The following CARD14 variants were observed in gnomAD, a reference collection of about 807,000 sequenced individuals.
CARD14 encodes caspase recruitment domain-containing protein 14.
A neutral mutation model predicts 111.5 loss-of-function variants in CARD14; 107 were observed. The observed-to-expected ratio is 0.96, with a 90% CI of 0.82 to 1.13. The LOEUF is 1.13. Among genes scored for constraint, CARD14 ranks in the 50% most tolerant of loss-of-function variants. The pLI is 0.00. For missense variants in CARD14, 1,322 were observed against 1,362.3 expected, an observed-to-expected ratio of 0.97 and a Z score of 0.47; for synonymous variants, 617 against 579.6, an observed-to-expected ratio of 1.06 and a Z score of -0.93.
rs144885499 is a variant in CARD14, at chr17:80,198,801, T to G, written c.1851+210T>G. 3.6e-4 allele frequency: 536 copies of G among 1,486,876 alleles called. 1 individual carries two copies. The African/African-American group carries it at 5.3e-3, about 15-fold the overall frequency. 92.1% of individuals were successfully genotyped at this position (1,486,876 alleles called of 1,614,324 possible). ...GAACCCAGCATGTCACCCGTGGTGC[T>G]GCTGCCATGCGGCGCTTCTGACCAG... On this transcript the variant is annotated intron_variant, in intron 16 of 23. Coordinates refer to ENST00000648509, the MANE Select transcript of CARD14 (RefSeq NM_001366385.1). This position sits in a 1 kb window ranked among gnomAD's most constrained non-coding sequence, Gnocchi z 7.5.
Position 80,201,186 on chromosome 17 carries a change from T to G in CARD14, c.1852-558T>G, listed in dbSNP as rs930972908. 1 of 154,532 alleles carries G rather than the reference T, an allele frequency of 6.5e-6. No individual in the cohort carries two copies. The highest frequency in any genetic ancestry group is 2.4e-5 in the African/African-American group (1 of 41,460). 9.6% of individuals were successfully genotyped at this position (154,532 alleles called of 1,614,324 possible). A position where few individuals can be genotyped will look rare whatever the true frequency, so the allele number is the denominator to read the frequency against. On this transcript the variant is annotated intron_variant, in intron 16 of 23. Coordinates refer to ENST00000648509, the MANE Select transcript of CARD14 (RefSeq NM_001366385.1). The surrounding 1 kb of genome is among the most constrained non-coding windows in gnomAD (Gnocchi z 5.0). Reference sequence around the variant, plus strand: ...ATGGTGTTAAAACACATCTTAATTTTTATTGTAAAAATATCTACTCTCCTA... The same window carrying G: ...ATGGTGTTAAAACACATCTTAATTTGTATTGTAAAAATATCTACTCTCCTA...
chr17:80,202,118 C>A, intron 17 of CARD14, 62 bp from the exon 18 acceptor site: 1 of 1,463,612 alleles, frequency 6.8e-7, no homozygotes, highest in Non-Finnish European at 9.5e-7. Context: ...TAATTTTCTG[C>A]AACCTTCCTC....
intron 10 of CARD14, 24 bp from the exon 11 acceptor site, chr17:80,191,299 C>G (rs2043368339): frequency 6.2e-6 from 10 of 1,600,768 alleles, no homozygotes; most frequent in Non-Finnish European, 8.6e-6. Flanking sequence ...GGCGCGGCCT[C>G]CTTACTCCCG....
chr17:80,202,292 G>A lies in CARD14; in HGVS notation c.2091G>A (p.Val697=), dbSNP rs2041024729. Residue 697 remains valine (V), a synonymous_variant, in exon 18 of 24, where the codon GTG becomes GTA. Coordinates refer to ENST00000648509, the MANE Select transcript of CARD14 (RefSeq NM_001366385.1). ...GCAGGGCCAAAGGGGAGCTGCAGGTGCATTGCAACGAGGTCCTGCACGTCA... is the reference window on the plus strand; with the variant it reads ...GCAGGGCCAAAGGGGAGCTGCAGGTACATTGCAACGAGGTCCTGCACGTCA... The part of the protein sequence containing the change: ...MEGRAKGELQ[V]HCNEVLHVTD... 1 of 1,613,862 alleles carries A rather than the reference G, an allele frequency of 6.2e-7. No homozygotes were observed. The highest frequency in any genetic ancestry group is 2.2e-5 in the East Asian group (1 of 44,874).
intron 23 of CARD14, 65 bp downstream of exon 23, chr17:80,207,150 G>A (rs564357194): frequency 1.9e-5 from 22 of 1,166,316 alleles, no homozygotes; most frequent in Middle Eastern, 3.8e-4. Context: ...CAAAGCCCAC[G>A]GCAGGTGCCT....
chr17:80,172,895 T>TTTTTTTTTTTTTTTTTTTTTTTG lies in CARD14; in HGVS notation c.-689-8_-689-7insTTTTTTTTTTTTTTTTTTTGTTT. On this transcript the variant is annotated splice_polypyrimidine_tract_variant and intron_variant, in intron 1 of 23. Transcript: ENST00000648509. ...TTCTTTTTTTTTTTTTTTTTTTTTT[T>TTTTTTTTTTTTTTTTTTTTTTTG]TTTGAGGTAGAGTTTCACTCTGGCT... 2 of 142,776 alleles carry TTTTTTTTTTTTTTTTTTTTTTTG rather than the reference T, an allele frequency of 1.4e-5. No individual in the cohort carries two copies. The highest frequency in any genetic ancestry group is 7.0e-5 in the Admixed American group (1 of 14,306). 8.8% of individuals were successfully genotyped at this position (142,776 alleles called of 1,614,324 possible).
In CARD14 at chr17:80,203,565, C is replaced by G. The variant is rs1179760177; in HGVS notation, c.2220-257C>G. On this transcript the variant is annotated intron_variant, in intron 18 of 23. Coordinates refer to ENST00000648509, the MANE Select transcript of CARD14 (RefSeq NM_001366385.1). The surrounding 1 kb of genome is among the most constrained non-coding windows in gnomAD (Gnocchi z 4.6). ...TACGCTGGCTGCTCAACAGCACCCC[C>G]TGGGTCCCGCCCCAGGACAAGTAAA... 2.2e-6 allele frequency: 1 copy of G among 451,454 alleles called. No homozygotes were observed. The highest frequency in any genetic ancestry group is 2.0e-5 in the African/African-American group (1 of 49,246). The allele number at this position is 451,454 out of a possible 1,614,324, so 28.0% of individuals were successfully genotyped here.
At chr17:80,199,847 G>T (rs1315736053) in intron 16 of CARD14, among the ~76,000 whole-genome samples, 3 of 152,080 alleles carry the variant, frequency 2.0e-5, no homozygotes, top group African/African-American at 4.8e-5. Flanking sequence ...CTGCACTCCA[G>T]CCTGGGTGAC....
At position 80,195,458 on chromosome 17, in the gene CARD14, G is replaced by A. The variant is rs1046703469; in HGVS notation, c.1500-100G>A. The A allele has an allele frequency of 4.0e-6, 6 of 1,503,906 alleles. No homozygotes were observed. Among genetic ancestry groups the A allele is most frequent in the Non-Finnish European group, 5.4e-6 (6 of 1,118,764 alleles). 93.2% of individuals were successfully genotyped at this position (1,503,906 alleles called of 1,614,324 possible). A position where few individuals can be genotyped will look rare whatever the true frequency, so the allele number is the denominator to read the frequency against. ...GCAGGCAGCAGCTCCTGCCCTCGAA[G>A]CCCCAGAGCTGGCAGGTGCTGGGGG... On this transcript the variant is annotated intron_variant, in intron 13 of 23. Transcript: ENST00000648509. The surrounding 1 kb of genome is among the most constrained non-coding windows in gnomAD (Gnocchi z 4.7).
rs768323293 is a variant in CARD14, at chr17:80,207,068, G to A, written c.2790G>A (p.Lys930=). 6.2e-7 allele frequency: 1 copy of A among 1,613,836 alleles called. No homozygotes were observed. Among genetic ancestry groups the A allele is most frequent in the Non-Finnish European group, 8.5e-7 (1 of 1,179,840 alleles). ...TCATCCACGTCTCTGTCAACGAGAAGATGGCAAAGAAGCTCAAGTAGGTGC... is the reference window on the plus strand; with the variant it reads ...TCATCCACGTCTCTGTCAACGAGAAAATGGCAAAGAAGCTCAAGTAGGTGC... The part of the protein sequence containing the change: ...PIVIHVSVNE[K]MAKKLKKGLQ... Residue 930 remains lysine (K), a synonymous_variant, in exon 23 of 24, where the codon AAG becomes AAA. Transcript: ENST00000648509.
chr17:80,189,901 A>G lies in CARD14; in HGVS notation c.963+29A>G, dbSNP rs117090386. 6,004 of 1,583,048 alleles carry G rather than the reference A, an allele frequency of 3.8e-3. 28 individuals are homozygous for G. Among genetic ancestry groups the G allele is most frequent in the Non-Finnish European group, 4.2e-3 (4,907 of 1,168,644 alleles). ...CCGTGTGAGCCCTTCCTCCCTTGTG[A>G]CTCTCCTGGGGCTTGTCTCAGGGGT... On this transcript the variant is annotated intron_variant, in intron 9 of 23. Transcript: ENST00000648509. This position sits in a 1 kb window ranked among gnomAD's most constrained non-coding sequence, Gnocchi z 4.7.
rs758843053 is a variant in CARD14, at chr17:80,181,466, G to A, written c.28G>A (p.Ala10Thr). 28 of 1,582,278 alleles carry A rather than the reference G, an allele frequency of 1.8e-5. No individual in the cohort carries two copies. The highest frequency in any genetic ancestry group is 2.3e-5 in the Non-Finnish European group (27 of 1,163,974). ...GGGGGAACTGTGCCGCAGGGACTCC[G>A]CACTCACGGCACTGGACGAGGAGAC... Reference protein sequence around the residue: MGELCRRDSALTALDEETLW... With the variant: MGELCRRDSTLTALDEETLW... The change falls in exon 5 of 24, where the codon GCA becomes ACA. Residue 10 changes from alanine (A) to threonine (T), a missense_variant. Ala to Thr is a moderately conservative substitution (Grantham distance 58). Transcript: ENST00000648509.
At chr17:80,206,459 T>C (rs1040866906) in intron 22 of CARD14, among the ~76,000 whole-genome samples, 11 of 151,150 alleles carry the variant, frequency 7.3e-5, no homozygotes, top group Non-Finnish European at 5.9e-5. Flanking sequence ...TACAAAACAT[T>C]TAAAAGCTAA....
rs564224977 is a variant in CARD14, at chr17:80,181,333, T to A, written c.-20-86T>A. 3 of 998,140 alleles carry A rather than the reference T, an allele frequency of 3.0e-6. No individual in the cohort carries two copies. In the South Asian group the frequency reaches 4.8e-5, roughly 16 times the overall value. The allele number at this position is 998,140 out of a possible 1,614,324, so 61.8% of individuals were successfully genotyped here. A position where few individuals can be genotyped will look rare whatever the true frequency, so the allele number is the denominator to read the frequency against. On this transcript the variant is annotated intron_variant, in intron 4 of 23. Coordinates refer to ENST00000648509, the MANE Select transcript of CARD14 (RefSeq NM_001366385.1). The stretch of plus-strand genomic sequence containing the variant: ...AGAGTGCGCCTTGCTAATTTTACGA[T>A]GGAGTTGATTTTAAAACGGTGTCAC...
chr17:80,178,371 G>T (rs976547243), intron 2 of CARD14, 137 bp from the exon 3 acceptor site: 1 of 152,232 alleles, frequency 6.6e-6, no homozygotes, highest in African/African-American at 2.4e-5. Flanking sequence ...TCAAAGGTCC[G>T]TCGAGTTATT....
In CARD14 at chr17:80,182,758, T is replaced by TGCA; in HGVS notation, c.320_322dup (p.Gln107dup). On this transcript the variant is annotated inframe_insertion, in exon 6 of 24. Coordinates refer to ENST00000648509, the MANE Select transcript of CARD14 (RefSeq NM_001366385.1). This position sits in a 1 kb window ranked among gnomAD's most constrained non-coding sequence, Gnocchi z 4.7. Reference sequence around the variant, plus strand: ...GACGTCTACACCCTGGTCACCGGGCTGCAGCCTGATGTTGACTTCAGTAAC... The same window carrying TGCA: ...GACGTCTACACCCTGGTCACCGGGCTGCAGCAGCCTGATGTTGACTTCAGTAAC... 6.2e-7 allele frequency: 1 copy of TGCA among 1,614,214 alleles called. No homozygotes were observed. Among genetic ancestry groups the TGCA allele is most frequent in the Non-Finnish European group, 8.5e-7 (1 of 1,180,022 alleles).
intron 18 of CARD14, chr17:80,202,751 C>T: frequency 2.4e-6 from 1 of 417,052 alleles, no homozygotes; most frequent in Non-Finnish European, 3.8e-6. Flanking sequence ...GAGCAGCATC[C>T]CTGGCCGCCC....
Position 80,205,135 on chromosome 17 carries a change from G to T in CARD14, c.2499G>T (p.Val833=). The stretch of plus-strand genomic sequence containing the variant: ...CCCGGCCCCGGCCTGTGCTCCTCGT[G>T]CCCAGGGCGGTTGGGAAGATCCTGA... The part of the protein sequence containing the change: ...RPARPRPVLL[V]PRAVGKILSE... Residue 833 remains valine, a synonymous_variant, in exon 21 of 24, where the codon GTG becomes GTT. Coordinates refer to ENST00000648509, the MANE Select transcript of CARD14 (RefSeq NM_001366385.1). 6.2e-7 allele frequency: 1 copy of T among 1,613,754 alleles called. No homozygotes were observed. The highest frequency in any genetic ancestry group is 2.2e-5 in the East Asian group (1 of 44,870).
chr17:80,188,384 T>C lies in CARD14; in HGVS notation c.683T>C (p.Leu228Pro). ...CGCCTCCCCACCGCACAGCTGTATCTACTGAAGCAGGAGCTGCAGCGAGCC... is the reference window on the plus strand; with the variant it reads ...CGCCTCCCCACCGCACAGCTGTATCCACTGAAGCAGGAGCTGCAGCGAGCC... The part of the protein sequence containing the change: ...RCRSLQEELY[L>P]LKQELQRANM... Residue 228 changes from leucine to proline, a missense_variant, in exon 8 of 24, where the codon CTA (leucine) becomes CCA (proline). By Grantham distance (98) the Leu-to-Pro change is moderately conservative (BLOSUM62 -3). Coordinates refer to ENST00000648509, the MANE Select transcript of CARD14 (RefSeq NM_001366385.1). The surrounding 1 kb of genome is among the most constrained non-coding windows in gnomAD (Gnocchi z 4.5). The C allele has an allele frequency of 6.2e-7, 1 of 1,609,874 alleles. No individual in the cohort carries two copies. The highest frequency in any genetic ancestry group is 8.5e-7 in the Non-Finnish European group (1 of 1,178,184).
Sources: gnomAD v4.1 joint callset for allele counts (sites outside exome capture counted in the v4.1 genomes callset) on GRCh38, gnomAD v4.1.1 for gene constraint, Gnocchi (gnomAD v3.1) non-coding constraint, MANE v1.5 for transcripts, NCBI Gene and HGNC (gene_info 2026-07-23, HGNC 2026-07-21) for gene names.